WDPCP: variants seen among roughly 807,000 people sequenced by gnomAD.
WDPCP encodes WD repeat containing planar cell polarity effector, also known as WD repeat-containing and planar cell polarity effector protein fritz homolog.
WDPCP carries 71 observed loss-of-function variants against 93.1 expected under a neutral mutation model. The ratio of observed to expected loss-of-function variants is 0.76; its 90% CI spans 0.63 to 0.93. WDPCP has a LOEUF of 0.93. Ranked by LOEUF, WDPCP falls within the 40% of genes least tolerant of loss-of-function variation. The pLI, the probability that WDPCP is intolerant of heterozygous loss-of-function variation, is 0.00. For synonymous variants in WDPCP, 315 were observed against 315.0 expected (o/e 1.00, Z 0.00); for missense variants, 844 against 887.4 (o/e 0.95, Z 0.62).
At chr2:63,252,428 G>C (rs1334956841) in intron 14 of WDPCP, among the ~76,000 whole-genome samples, 1 of 152,108 alleles carries the variant, frequency 6.6e-6, no homozygotes, top group East Asian at 1.9e-4. Context: ...GGAAGTCCTA[G>C]CCAGAGAAAT....
In WDPCP at chr2:63,201,290, CTG is replaced by C. The variant is rs570693943; in HGVS notation, c.1916-26460_1916-26459del. Among the ~76,000 whole-genome samples, 774 of 152,274 alleles carry C rather than the reference CTG, an allele frequency of 5.1e-3. 7 individuals are homozygous for C. Among genetic ancestry groups the C allele is most frequent in the African/African-American group, 0.018 (756 of 41,544 alleles). ...CATGCTTCCTGTACAGCCTGCAGAA[CTG>C]TGAGTCAATTAAACCTATTTTCTTT... On this transcript the variant is annotated intron_variant, in intron 14 of 17. Transcript: ENST00000272321.
chr2:63,664,716 GA>G (rs1575742111), intron 2 of WDPCP, among the ~76,000 whole-genome samples: 1 of 152,294 alleles, frequency 6.6e-6, no homozygotes, highest in East Asian at 1.9e-4. Context: ...TTATGAGAGA[GA>G]AAATGTGAAA....
intron 1 of WDPCP, among the ~76,000 whole-genome samples, chr2:63,574,679 C>T (rs1361303219): frequency 6.6e-6 from 1 of 151,978 alleles, no homozygotes; most frequent in East Asian, 1.9e-4. Flanking sequence ...ACCAGGGGTA[C>T]CAGTATTGAA....
chr2:63,144,259 TTTTTA>T (rs58606765), intron 17 of WDPCP, among the ~76,000 whole-genome samples: 61,048 of 147,558 alleles, frequency 0.41, 12,888 homozygotes, highest in Middle Eastern at 0.48. Context: ...GCATTTACCC[TTTTTA>T]TTTTATTTTA....
At chr2:63,223,443 C>T (rs1015352337) in intron 14 of WDPCP, among the ~76,000 whole-genome samples, 1 of 152,058 alleles carries the variant, frequency 6.6e-6, no homozygotes. Context: ...AGGCAATATT[C>T]GTACAGTTAC....
chr2:63,650,286 G>T (rs1710094357), intron 3 of WDPCP, among the ~76,000 whole-genome samples: 1 of 152,224 alleles, frequency 6.6e-6, no homozygotes, highest in South Asian at 2.1e-4. Context: ...TCAGGACACT[G>T]TTGGGGCCTG....
At chr2:63,153,692 G>A in intron 15 of WDPCP, 118 bp from the exon 16 acceptor site, 1 of 602,978 alleles carries the variant, frequency 1.7e-6, no homozygotes, top group Non-Finnish European at 2.6e-6. Context: ...GTTAAAAAAT[G>A]TAATTAAAAA....
Position 63,662,639 on chromosome 2 carries a change from CAG to C in WDPCP, n.309-11803_309-11802del, listed in dbSNP as rs3077036. Among the ~76,000 whole-genome samples the C allele has an allele frequency of 1.5e-3, 221 of 147,038 alleles. 1 individual carries two copies. The highest frequency in any genetic ancestry group is 4.7e-3 in the East Asian group (23 of 4,906). ...CTGATTATCTGCCCATCATCTCTTC[CAG>C]AGAGAGAGAGAGAGAGAGAGAGAGA... is the stretch of plus-strand genomic sequence containing the variant. On this transcript the variant is annotated intron_variant and non_coding_transcript_variant, in intron 2 of 4. Coordinates refer to the WDPCP transcript ENST00000467687.
chr2:63,591,879 A>C (rs1709207766), upstream of WDPCP, among the ~76,000 whole-genome samples: 1 of 152,238 alleles, frequency 6.6e-6, no homozygotes, highest in African/African-American at 2.4e-5. Flanking sequence ...TTTAATCCTT[A>C]AAACTACTCT....
intron 12 of WDPCP, among the ~76,000 whole-genome samples, chr2:63,362,277 T>TTGGGGGTGTGTGTGGGTGTGTGTG (rs1553362983): frequency 1.1e-5 from 1 of 94,132 alleles, no homozygotes. Flanking sequence ...TTTTTTTTGG[T>TTGGGGGTGTGTGTGGGTGTGTGTG]TGTGTGTGTG....
chr2:63,216,476 A>G (rs1437682017), intron 14 of WDPCP, among the ~76,000 whole-genome samples: 1 of 152,118 alleles, frequency 6.6e-6, no homozygotes, highest in Non-Finnish European at 1.5e-5. Flanking sequence ...CAAACACCGC[A>G]TGTGTTCTCA....
intron 2 of WDPCP, among the ~76,000 whole-genome samples, chr2:63,769,094 T>A (rs1670187808): frequency 6.6e-6 from 1 of 151,960 alleles, no homozygotes; most frequent in Non-Finnish European, 1.5e-5. Flanking sequence ...TTTTTGAAAA[T>A]TCTTCATGAA....
Position 63,435,001 on chromosome 2 carries a change from G to A in WDPCP, c.634-1065C>T, listed in dbSNP as rs558287659. Among the ~76,000 whole-genome samples, 3 of 152,082 alleles carry A rather than the reference G, an allele frequency of 2.0e-5. No individual in the cohort carries two copies. In the South Asian group the frequency reaches 6.2e-4, roughly 32 times the overall value. On this transcript the variant is annotated intron_variant, in intron 8 of 17. Transcript: ENST00000272321. Reference sequence around the variant, plus strand: ...AAGGTTAATGCTTTAATAATCCTCTGCTATTTTTTTTCAATATGGTCAAAA... The same window carrying A: ...AAGGTTAATGCTTTAATAATCCTCTACTATTTTTTTTCAATATGGTCAAAA...
At chr2:63,701,231 T>G (rs1669045159) in intron 2 of WDPCP, among the ~76,000 whole-genome samples, 1 of 151,978 alleles carries the variant, frequency 6.6e-6, no homozygotes. Flanking sequence ...GACATATAAA[T>G]GACCAATAAG....
At chr2:63,386,599 T>C (rs935965706) in intron 10 of WDPCP, among the ~76,000 whole-genome samples, 3 of 152,122 alleles carry the variant, frequency 2.0e-5, no homozygotes, top group Non-Finnish European at 4.4e-5. Context: ...ATATGCTAAA[T>C]GACACAATCA....
At chr2:63,183,696 A>G (rs946470931) in intron 14 of WDPCP, among the ~76,000 whole-genome samples, 4 of 151,966 alleles carry the variant, frequency 2.6e-5, no homozygotes, top group Admixed American at 6.6e-5. Flanking sequence ...TTCTGTCTCA[A>G]TGATCTGTGA....
intron 17 of WDPCP, among the ~76,000 whole-genome samples, chr2:63,138,716 T>C (rs1189350371): frequency 6.6e-6 from 1 of 152,178 alleles, no homozygotes; most frequent in Non-Finnish European, 1.5e-5. Context: ...CCTCCGAAAG[T>C]TCTGGGATTA....
intron 6 of WDPCP, among the ~76,000 whole-genome samples, chr2:63,483,733 A>C (rs1700402930): frequency 6.6e-6 from 1 of 151,988 alleles, no homozygotes; most frequent in African/African-American, 2.4e-5. Context: ...GATTCCATAC[A>C]TCAGTTACAA....
the WDPCP span, among the ~76,000 whole-genome samples, chr2:63,835,014 A>AT: frequency 2.6e-5 from 4 of 152,022 alleles, no homozygotes; most frequent in Non-Finnish European, 4.4e-5. Flanking sequence ...CATTATTGGC[A>AT]TTTTGGTACT....
Sources: gnomAD v4.1 joint callset for allele counts (sites outside exome capture counted in the v4.1 genomes callset) on GRCh38, gnomAD v4.1.1 for gene constraint, MANE v1.5 for transcripts, NCBI Gene and HGNC (gene_info 2026-07-23, HGNC 2026-07-21) for gene names.